PTPRE: variants seen among roughly 807,000 people sequenced by gnomAD.
The protein encoded by PTPRE is protein tyrosine phosphatase receptor type E.
A neutral mutation model predicts 102.0 loss-of-function variants in PTPRE; 51 were observed. That is an observed-to-expected ratio of 0.50 (90% confidence interval 0.40 to 0.63). The LOEUF (loss-of-function observed/expected upper bound fraction) is 0.63, where lower values mean the gene tolerates loss of function less well. Ranked by LOEUF, PTPRE falls within the 30% of genes least tolerant of loss-of-function variation. The probability of loss-of-function intolerance (pLI) is 0.00; values close to 1 mark genes in which losing one functional copy is unlikely to be tolerated. For synonymous variants in PTPRE, 345 were observed against 348.2 expected, an observed-to-expected ratio of 0.99 and a Z score of 0.10; for missense variants, 752 against 915.1, an observed-to-expected ratio of 0.82 and a Z score of 2.30.
At chr10:127,960,937 C>T (rs1193127340) in intron 1 of PTPRE, among the ~76,000 whole-genome samples, 3 of 151,156 alleles carry the variant, frequency 2.0e-5, no homozygotes, top group East Asian at 3.9e-4. Context: ...AGGAGAATGG[C>T]GTGAACCCGG....
At chr10:128,047,229 C>T (rs779460824) in intron 3 of PTPRE, among the ~76,000 whole-genome samples, 161 bp from the exon 4 acceptor site, 2 of 152,228 alleles carry the variant, frequency 1.3e-5, no homozygotes, top group Non-Finnish European at 2.9e-5. Context: ...CAACTAAAGT[C>T]GCTTCTCTGT....
intron 8 of PTPRE, among the ~76,000 whole-genome samples, chr10:128,061,347 A>G (rs979352558): frequency 1.3e-5 from 2 of 152,248 alleles, no homozygotes; most frequent in Non-Finnish European, 2.9e-5. Context: ...TCTTTAAAAG[A>G]TCATTTAATA....
intron 6 of PTPRE, among the ~76,000 whole-genome samples, chr10:128,052,766 T>C (rs1295502082): frequency 1.3e-5 from 2 of 152,282 alleles, no homozygotes; most frequent in East Asian, 3.9e-4. Context: ...GCTGTAAAAG[T>C]GCAGAGGGAG....
intron 1 of PTPRE, among the ~76,000 whole-genome samples, chr10:127,942,045 A>G (rs902765514): frequency 6.6e-6 from 1 of 152,206 alleles, no homozygotes; most frequent in Non-Finnish European, 1.5e-5. Flanking sequence ...TCATAGAAAA[A>G]AAAAAATAGG....
At chr10:128,060,807 C>T (rs1287720707) in intron 7 of PTPRE, 132 bp from the exon 8 acceptor site, 9 of 756,990 alleles carry the variant, frequency 1.2e-5, no homozygotes, top group East Asian at 2.7e-5. Flanking sequence ...TCCCTGGTGT[C>T]GCTGTGAAGC....
chr10:128,030,213 G>A (rs1846618818), intron 2 of PTPRE, among the ~76,000 whole-genome samples: 1 of 152,240 alleles, frequency 6.6e-6, no homozygotes, highest in South Asian at 2.1e-4. Flanking sequence ...CCGCAGCATG[G>A]CTGCTGCCCT....
intron 2 of PTPRE, among the ~76,000 whole-genome samples, chr10:128,010,578 TTTC>T (rs1844914677): frequency 6.7e-6 from 1 of 149,030 alleles, no homozygotes; most frequent in Non-Finnish European, 1.5e-5. Flanking sequence ...TTTCTTTTCT[TTTC>T]TTTTCTTTTC....
intron 1 of PTPRE, among the ~76,000 whole-genome samples, chr10:127,928,176 A>G (rs1333466165): frequency 2.6e-5 from 4 of 152,270 alleles, no homozygotes; most frequent in African/African-American, 9.6e-5. Context: ...TCCCGTCATC[A>G]GTGTTCACTG....
At chr10:128,023,612 T>C (rs1295058699) in intron 2 of PTPRE, among the ~76,000 whole-genome samples, 1 of 152,216 alleles carries the variant, frequency 6.6e-6, no homozygotes, top group East Asian at 1.9e-4. Context: ...AAAAGCATAG[T>C]ATAGTATATC....
At chr10:128,053,517 G>A (rs1010866627) in intron 6 of PTPRE, among the ~76,000 whole-genome samples, 3 of 152,210 alleles carry the variant, frequency 2.0e-5, no homozygotes, top group African/African-American at 7.2e-5. Flanking sequence ...AAGGGCTGCA[G>A]AGTCCATGTG....
intron 19 of PTPRE, among the ~76,000 whole-genome samples, chr10:128,079,247 T>TTGA (rs1295866441): frequency 6.6e-6 from 1 of 152,132 alleles, no homozygotes; most frequent in Non-Finnish European, 1.5e-5. Context: ...GGACCACACT[T>TTGA]TGAGAACCAT....
At chr10:128,034,928 G>A (rs375431741) in intron 2 of PTPRE, among the ~76,000 whole-genome samples, 15 of 152,092 alleles carry the variant, frequency 9.9e-5, no homozygotes, top group African/African-American at 3.1e-4. Flanking sequence ...ATTATTTTAC[G>A]TTCTCATTTT....
At chr10:128,053,285 A>G (rs111233595) in intron 6 of PTPRE, among the ~76,000 whole-genome samples, 1 of 152,136 alleles carries the variant, frequency 6.6e-6, no homozygotes, top group African/African-American at 2.4e-5. Context: ...AAGAAATGAA[A>G]TGAAATCTCA....
At chr10:127,946,656 G>A (rs1457381618) in intron 1 of PTPRE, among the ~76,000 whole-genome samples, 1 of 152,236 alleles carries the variant, frequency 6.6e-6, no homozygotes, top group Non-Finnish European at 1.5e-5. Context: ...ACAAAGGTGT[G>A]TGCAGACACA....
At chr10:128,046,607 G>A (rs1848109504) in intron 3 of PTPRE, among the ~76,000 whole-genome samples, 1 of 152,102 alleles carries the variant, frequency 6.6e-6, no homozygotes, top group African/African-American at 2.4e-5. Context: ...GGAACATTTT[G>A]GTGATGAGGG....
chr10:128,062,387 C>T (rs1849684623), intron 9 of PTPRE, among the ~76,000 whole-genome samples: 1 of 152,220 alleles, frequency 6.6e-6, no homozygotes, highest in African/African-American at 2.4e-5. Flanking sequence ...CAGGAATGTG[C>T]CCAGCTGGAA....
At chr10:127,947,423 A>G (rs1245503371) in intron 1 of PTPRE, among the ~76,000 whole-genome samples, 1 of 152,126 alleles carries the variant, frequency 6.6e-6, no homozygotes, top group Non-Finnish European at 1.5e-5. Context: ...CCTGAGGCCC[A>G]TTCTCCCCTA....
At chr10:127,914,269 C>T (rs1357332937) in intron 1 of PTPRE, among the ~76,000 whole-genome samples, 1 of 152,176 alleles carries the variant, frequency 6.6e-6, no homozygotes, top group African/African-American at 2.4e-5. Context: ...CCTGCAGAAC[C>T]ATCAGCCAAT....
intron 3 of PTPRE, among the ~76,000 whole-genome samples, chr10:128,041,447 A>C (rs945686410): frequency 5.3e-5 from 8 of 152,098 alleles, no homozygotes; most frequent in African/African-American, 1.9e-4. Flanking sequence ...CAAGAGATTG[A>C]GACCATCTTG....
Sources: allele counts gnomAD v4.1 joint callset (sites outside exome capture counted in the v4.1 genomes callset), GRCh38; gene constraint gnomAD v4.1.1; transcripts MANE v1.5; gene names NCBI Gene and HGNC (gene_info 2026-07-23, HGNC 2026-07-21).